The following TNR variants were observed in gnomAD, a reference collection of about 807,000 sequenced individuals.
TNR encodes the protein tenascin-R.
In TNR, 45 loss-of-function variants were observed where a neutral mutation model predicts 150.4. The observed-to-expected ratio is 0.30, with a 90% CI of 0.24 to 0.38. The LOEUF (loss-of-function observed/expected upper bound fraction) is 0.38. Among genes scored for constraint, TNR ranks in the 10% least tolerant of loss-of-function variants. TNR has a pLI of 1.00. For synonymous variants in TNR, 687 were observed against 678.4 expected, an observed-to-expected ratio of 1.01 and a Z score of -0.20; for missense variants, 1,544 against 1,759.1, an observed-to-expected ratio of 0.88 and a Z score of 2.19.
At chr1:175,417,491 G>C (rs1237817717) in intron 2 of TNR, among the ~76,000 whole-genome samples, 1 of 152,208 alleles carries the variant, frequency 6.6e-6, no homozygotes, top group East Asian at 1.9e-4. Context: ...CACTTGGTGT[G>C]TGCCTGTTAG....
At chr1:175,717,497 C>T (rs1342722793) in intron 1 of TNR, among the ~76,000 whole-genome samples, 3 of 152,116 alleles carry the variant, frequency 2.0e-5, no homozygotes, top group African/African-American at 7.2e-5. Context: ...GATTTTTGCC[C>T]TTCATGTTGT....
intron 2 of TNR, among the ~76,000 whole-genome samples, chr1:175,409,801 A>C (rs1654127960): frequency 6.8e-6 from 1 of 147,266 alleles, no homozygotes; most frequent in African/African-American, 2.5e-5. Flanking sequence ...GATATTTATT[A>C]AGTACCTATT....
intron 1 of TNR, among the ~76,000 whole-genome samples, chr1:175,672,781 G>A (rs1439314601): frequency 1.3e-5 from 2 of 152,184 alleles, no homozygotes; most frequent in East Asian, 3.9e-4. Context: ...TTCAGGGCTT[G>A]GGTGTGATTT....
intron 18 of TNR, among the ~76,000 whole-genome samples, chr1:175,344,795 A>G (rs1650699240): frequency 6.6e-6 from 1 of 152,218 alleles, no homozygotes; most frequent in Admixed American, 6.5e-5. Context: ...AAAATCATCA[A>G]TTTTATATAC....
At chr1:175,637,545 G>GA (rs1223820563) in intron 1 of TNR, among the ~76,000 whole-genome samples, 4 of 151,692 alleles carry the variant, frequency 2.6e-5, no homozygotes, top group African/African-American at 7.3e-5. Context: ...AGTAGCAAAA[G>GA]AAAAAAAATA....
chr1:175,365,273 C>T lies in TNR; in HGVS notation c.2324G>A (p.Arg775His), dbSNP rs141636585. Residue 775 changes from arginine (R) to histidine (H), a missense_variant, in exon 12 of 23, where the codon CGT becomes CAT. By Grantham distance (29) the Arg-to-His change is conservative. This residue lies in a region of TNR where 1,254 missense variants were observed against 1,329.4 expected (regional missense o/e 0.94). Transcript: ENST00000367674. ...ESTVDAFTGF[R>H]PISHLHFSHV... ...AGAAAAGTGCAGATGAGAGATGGGACGGAAGCCTGCAAAGCAAAGGAGATG... is the reference window on the plus strand; with the variant it reads ...AGAAAAGTGCAGATGAGAGATGGGATGGAAGCCTGCAAAGCAAAGGAGATG... The T allele has an allele frequency of 3.1e-4, 504 of 1,601,882 alleles. 1 individual carries two copies. The highest frequency in any genetic ancestry group is 3.9e-4 in the Non-Finnish European group (459 of 1,172,284).
At chr1:175,505,945 C>G (rs995365212) in intron 2 of TNR, among the ~76,000 whole-genome samples, 4 of 152,150 alleles carry the variant, frequency 2.6e-5, no homozygotes, top group Non-Finnish European at 5.9e-5. Context: ...GAGGCTGAGG[C>G]GAGAGGATCA....
intron 2 of TNR, among the ~76,000 whole-genome samples, chr1:175,496,244 T>C (rs1658482953): frequency 6.6e-6 from 1 of 152,202 alleles, no homozygotes; most frequent in Non-Finnish European, 1.5e-5. Context: ...TACTGAGGTC[T>C]GTTGGAGTCA....
intron 1 of TNR, among the ~76,000 whole-genome samples, chr1:175,701,910 G>A (rs981778683): frequency 1.3e-5 from 2 of 152,152 alleles, no homozygotes; most frequent in African/African-American, 2.4e-5. Flanking sequence ...AACTTAAGCC[G>A]CATCTCCTTT....
chr1:175,533,632 AAT>A (rs1660156652), intron 1 of TNR, among the ~76,000 whole-genome samples: 1 of 152,198 alleles, frequency 6.6e-6, no homozygotes, highest in Admixed American at 6.5e-5. Context: ...TGGTGTCTGG[AAT>A]ATCTGACAGA....
chr1:175,460,986 T>C (rs534129265), intron 2 of TNR, among the ~76,000 whole-genome samples: 23 of 152,292 alleles, frequency 1.5e-4, no homozygotes, highest in Non-Finnish European at 2.6e-4. Flanking sequence ...TACACACATG[T>C]ATGTGCACAC....
chr1:175,525,429 G>C (rs1291448964), intron 2 of TNR, among the ~76,000 whole-genome samples: 1 of 152,182 alleles, frequency 6.6e-6, no homozygotes, highest in African/African-American at 2.4e-5. Context: ...GTTGTACTTT[G>C]TTCAGCCTCC....
At chr1:175,578,534 C>T (rs1438204209) in intron 1 of TNR, among the ~76,000 whole-genome samples, 1 of 152,058 alleles carries the variant, frequency 6.6e-6, no homozygotes, top group East Asian at 1.9e-4. Flanking sequence ...AGAGGGGGAG[C>T]ATTACCTAGA....
intron 1 of TNR, among the ~76,000 whole-genome samples, chr1:175,693,920 T>A (rs1666443350): frequency 6.6e-6 from 1 of 152,224 alleles, no homozygotes; most frequent in Non-Finnish European, 1.5e-5. Flanking sequence ...ATATAAAACA[T>A]CAAATTCTAT....
chr1:175,470,311 G>A (rs560016258), intron 2 of TNR, among the ~76,000 whole-genome samples: 95 of 152,166 alleles, frequency 6.2e-4, no homozygotes, highest in African/African-American at 2.3e-3. Flanking sequence ...AATGACATAG[G>A]GGGATCATCA....
chr1:175,495,327 C>A (rs1198396767), intron 2 of TNR, among the ~76,000 whole-genome samples: 1 of 152,278 alleles, frequency 6.6e-6, no homozygotes, highest in East Asian at 1.9e-4. Context: ...GGGCAAAGAT[C>A]CTACTGTAGT....
At chr1:175,724,930 TG>T in intron 1 of TNR, among the ~76,000 whole-genome samples, 1 of 151,940 alleles carries the variant, frequency 6.6e-6, no homozygotes, top group East Asian at 1.9e-4. Flanking sequence ...CTAGGGAGTG[TG>T]GGGAACTCAG....
In TNR at chr1:175,331,078, CTTCT is replaced by C. The variant is rs1434211485; in HGVS notation, c.3632-847_3632-844del. On this transcript the variant is annotated intron_variant, in intron 20 of 22. Coordinates refer to ENST00000367674, the MANE Select transcript of TNR (RefSeq NM_003285.3). ...CTTTCTTTCTTTCTTTCTTTCTTTC[CTTCT>C]TTCTTTCTTTCTTTCTTTCTCTCTC... 1.0e-3 allele frequency among the ~76,000 whole-genome samples: 61 copies of C among 59,944 alleles called. 4 individuals carry two copies. The highest frequency in any genetic ancestry group is 9.3e-3 in the East Asian group (16 of 1,718). The allele number at this position is 59,944 out of a possible 152,430, so 39.3% of individuals were successfully genotyped here. A position where few individuals can be genotyped will look rare whatever the true frequency, so the allele number is the denominator to read the frequency against.
chr1:175,338,940 G>A (rs899097441), intron 18 of TNR, among the ~76,000 whole-genome samples: 5 of 152,150 alleles, frequency 3.3e-5, no homozygotes, highest in Non-Finnish European at 5.9e-5. Context: ...CCACACACCC[G>A]TCGAGGGCGC....
Sources: allele counts gnomAD v4.1 joint callset (sites outside exome capture counted in the v4.1 genomes callset), GRCh38; gene constraint gnomAD v4.1.1; regional missense constraint gnomAD v4.1.1; transcripts MANE v1.5; gene names NCBI Gene and HGNC (gene_info 2026-07-23, HGNC 2026-07-21).